Variants in ALDH1A2 observed in about 807,000 individuals in gnomAD.
The protein encoded by ALDH1A2 is aldehyde dehydrogenase 1 family member A2.
In ALDH1A2, 27 loss-of-function variants were observed where a neutral mutation model predicts 60.3. That is an observed-to-expected ratio of 0.45 (90% CI 0.33 to 0.62). The LOEUF (loss-of-function observed/expected upper bound fraction) is 0.62, where lower values mean the gene tolerates loss of function less well. Ranked by LOEUF, ALDH1A2 falls within the 20% of genes least tolerant of loss-of-function variation. The pLI is 0.02. For synonymous variants in ALDH1A2, 289 were observed against 232.4 expected, an observed-to-expected ratio of 1.24 and a Z score of -2.21; for missense variants, 581 against 643.8, an observed-to-expected ratio of 0.90 and a Z score of 1.06.
chr15:57,962,126 C>G lies in ALDH1A2; in HGVS notation c.1137G>C (p.Val379=), dbSNP rs141958697. The G allele has an allele frequency of 3.1e-6, 5 of 1,614,052 alleles. No individual in the cohort carries two copies. The African/African-American group carries it at 6.7e-5, about 22-fold the overall frequency. ...NKILELIQSG[V]AEGAKLECGG... is the part of the protein sequence containing the mutation. ...CACATTCCAGCTTGGCGCCCTCAGC[C>G]ACACCACTCTGGATGAGTTCCAAGA... is the stretch of plus-strand genomic sequence containing the variant. Residue 379 remains valine, a synonymous_variant, in exon 10 of 13, where the codon GTG becomes GTC. Coordinates refer to ENST00000249750, the MANE Select transcript of ALDH1A2 (RefSeq NM_003888.4).
intron 9 of ALDH1A2, among the ~76,000 whole-genome samples, chr15:57,962,976 A>C (rs574918674): frequency 5.3e-5 from 8 of 152,306 alleles, no homozygotes; most frequent in Non-Finnish European, 1.0e-4. Context: ...CCTGCAGAGG[A>C]GGCTGTTCAG....
At chr15:58,047,101 T>C (rs1272003050) in intron 1 of ALDH1A2, among the ~76,000 whole-genome samples, 1 of 152,008 alleles carries the variant, frequency 6.6e-6, no homozygotes, top group Non-Finnish European at 1.5e-5. Context: ...CTGCCATGGA[T>C]TTTCTAATTG....
intron 1 of ALDH1A2, among the ~76,000 whole-genome samples, chr15:58,055,674 A>G (rs1458252817): frequency 6.6e-6 from 1 of 152,064 alleles, no homozygotes; most frequent in Non-Finnish European, 1.5e-5. Flanking sequence ...CTTCCACAAT[A>G]TTTTCTTTAA....
chr15:57,990,944 C>A (rs1372758986), intron 7 of ALDH1A2, among the ~76,000 whole-genome samples: 1 of 150,614 alleles, frequency 6.6e-6, no homozygotes, highest in Non-Finnish European at 1.5e-5. Flanking sequence ...ATTGGTTGGT[C>A]AACAGAAAAA....
chr15:58,061,181 T>C (rs1164897943), intron 1 of ALDH1A2, among the ~76,000 whole-genome samples: 1 of 152,110 alleles, frequency 6.6e-6, no homozygotes, highest in East Asian at 1.9e-4. Context: ...CCCAGGAGAA[T>C]TATCTAATTC....
intron 1 of ALDH1A2, among the ~76,000 whole-genome samples, chr15:58,037,886 C>A (rs1183865691): frequency 6.6e-6 from 1 of 151,730 alleles, no homozygotes. Flanking sequence ...ATCAGTTGAA[C>A]TCAAAAAGAC....
At chr15:57,987,973 A>G (rs763110092) in intron 7 of ALDH1A2, among the ~76,000 whole-genome samples, 3 of 152,166 alleles carry the variant, frequency 2.0e-5, no homozygotes, top group Non-Finnish European at 4.4e-5. Context: ...GACCTACGCT[A>G]CAAGAAACGT....
chr15:58,040,185 C>G (rs573018001), intron 1 of ALDH1A2, among the ~76,000 whole-genome samples: 4 of 151,912 alleles, frequency 2.6e-5, no homozygotes, highest in Non-Finnish European at 4.4e-5. Flanking sequence ...CTGACAGAAG[C>G]CAACAGAACA....
At chr15:57,960,242 TATTTATGCTCA>T in intron 12 of ALDH1A2, among the ~76,000 whole-genome samples, 1 of 152,326 alleles carries the variant, frequency 6.6e-6, no homozygotes, top group Non-Finnish European at 1.5e-5. Flanking sequence ...GCTTTGTACA[TATTTATGCTCA>T]ATATTTGTTA....
chr15:58,050,196 TA>T (rs4646573), intron 1 of ALDH1A2, among the ~76,000 whole-genome samples: 62,214 of 148,886 alleles, frequency 0.42, 12,973 homozygotes, highest in Non-Finnish European at 0.44. Flanking sequence ...TTGCTAGGGT[TA>T]AAAAAAAAAA....
chr15:57,972,510 G>A (rs538857283), intron 7 of ALDH1A2, among the ~76,000 whole-genome samples: 1 of 152,296 alleles, frequency 6.6e-6, no homozygotes, highest in African/African-American at 2.4e-5. Flanking sequence ...AACTAGGTGA[G>A]CTAAAGGGAT....
At chr15:58,027,508 C>T (rs1896112484) in intron 1 of ALDH1A2, among the ~76,000 whole-genome samples, 1 of 152,128 alleles carries the variant, frequency 6.6e-6, no homozygotes, top group Non-Finnish European at 1.5e-5. Flanking sequence ...AGGATCACAG[C>T]TCCTCACCAG....
intron 7 of ALDH1A2, among the ~76,000 whole-genome samples, chr15:57,987,367 A>G (rs1053286462): frequency 1.3e-5 from 2 of 152,238 alleles, no homozygotes; most frequent in African/African-American, 4.8e-5. Flanking sequence ...CATCACAATC[A>G]AATTGCTGAA....
chr15:58,009,073 AAACT>A (rs1895548371), intron 4 of ALDH1A2, among the ~76,000 whole-genome samples: 1 of 152,158 alleles, frequency 6.6e-6, no homozygotes, highest in Non-Finnish European at 1.5e-5. Context: ...CATTTTCTAA[AAACT>A]AACATTCCAC....
intron 7 of ALDH1A2, among the ~76,000 whole-genome samples, chr15:57,973,766 G>T (rs1327916602): frequency 1.3e-5 from 2 of 152,178 alleles, no homozygotes; most frequent in Non-Finnish European, 2.9e-5. Context: ...GAAGTCACGG[G>T]ATTAGTTCCC....
At chr15:57,980,340 T>G (rs1363071487) in intron 7 of ALDH1A2, 2 of 422,550 alleles carry the variant, frequency 4.7e-6, no homozygotes, top group East Asian at 1.3e-4. Context: ...AACAGGTCCA[T>G]GGGGTTCATG....
intron 1 of ALDH1A2, among the ~76,000 whole-genome samples, chr15:58,042,916 C>T (rs1689975497): frequency 6.6e-6 from 1 of 151,948 alleles, no homozygotes; most frequent in African/African-American, 2.4e-5. Flanking sequence ...GTCTTCTCAC[C>T]TGGCCACTAT....
At chr15:57,983,385 T>C (rs1894580892) in intron 7 of ALDH1A2, among the ~76,000 whole-genome samples, 1 of 152,326 alleles carries the variant, frequency 6.6e-6, no homozygotes, top group Admixed American at 6.5e-5. Flanking sequence ...GAATTTCTTT[T>C]TGTATTTTGG....
chr15:58,041,526 C>T (rs1284572448), intron 1 of ALDH1A2, among the ~76,000 whole-genome samples: 1 of 151,894 alleles, frequency 6.6e-6, no homozygotes, highest in Non-Finnish European at 1.5e-5. Flanking sequence ...GATCAAGGCA[C>T]TGGCAGATTC....
Sources: allele counts gnomAD v4.1 joint callset (sites outside exome capture counted in the v4.1 genomes callset), GRCh38; gene constraint gnomAD v4.1.1; transcripts MANE v1.5; gene names NCBI Gene and HGNC (gene_info 2026-07-23, HGNC 2026-07-21).